SLC6A5: variants seen among roughly 807,000 people sequenced by gnomAD.
SLC6A5 encodes the protein solute carrier family 6 member 5.
Under a neutral mutation model 90.5 loss-of-function variants are expected in SLC6A5, and 58 were observed. That is an observed-to-expected ratio of 0.64 (90% CI 0.52 to 0.80). The LOEUF (loss-of-function observed/expected upper bound fraction) is 0.80. SLC6A5 is among the 30% of genes least tolerant of loss of function. The pLI is 0.00. For synonymous variants in SLC6A5, 427 were observed against 401.4 expected, an observed-to-expected ratio of 1.06 and a Z score of -0.76; for missense variants, 1,015 against 1,017.6, an observed-to-expected ratio of 1.00 and a Z score of 0.03.
chr11:20,655,595 A>T lies in SLC6A5; in HGVS notation c.*727A>T, dbSNP rs142780419. On this transcript the variant is annotated 3_prime_UTR_variant, in exon 16 of 16. Coordinates refer to ENST00000525748, the MANE Select transcript of SLC6A5 (RefSeq NM_004211.5). ...ACCACATTTGTGAGTTCTTTTGGTC[A>T]TTTCCTCCACCTCTGCCCAAGAAGC... 2 of 152,618 alleles carry T rather than the reference A, an allele frequency of 1.3e-5. No homozygotes were observed. The highest frequency in any genetic ancestry group is 4.8e-5 in the African/African-American group (2 of 41,392). The allele number at this position is 152,618 out of a possible 1,614,324, so 9.5% of individuals were successfully genotyped here.
intron 13 of SLC6A5, among the ~76,000 whole-genome samples, chr11:20,641,296 A>G (rs577149310): frequency 2.0e-5 from 3 of 152,210 alleles, no homozygotes; most frequent in African/African-American, 4.8e-5. Context: ...CCCCAACCTC[A>G]ACATGGAGTG....
chr11:20,647,586 T>A lies in SLC6A5; in HGVS notation c.2070+652T>A, dbSNP rs561963414. ...AATGGCTTACAATCACAGCCACGTTTTCCACGTGCTAATTTGCTGTAGGCT... is the reference window on the plus strand; with the variant it reads ...AATGGCTTACAATCACAGCCACGTTATCCACGTGCTAATTTGCTGTAGGCT... On this transcript the variant is annotated intron_variant, in intron 14 of 15. Coordinates refer to ENST00000525748, the MANE Select transcript of SLC6A5 (RefSeq NM_004211.5). 4.2e-4 allele frequency among the ~76,000 whole-genome samples: 64 copies of A among 152,070 alleles called. 1 individual carries two copies. The South Asian group carries it at 0.013, about 32-fold the overall frequency.
rs192267480 is a variant in SLC6A5 at position 20,607,018 on chromosome 11, A to G, written c.691A>G (p.Ile231Val). 160 of 1,614,046 alleles carry G rather than the reference A, an allele frequency of 9.9e-5. 3 individuals carry two copies. The highest frequency in any genetic ancestry group is 2.7e-5 in the African/African-American group (2 of 74,996). ...ACTCTCTTTCCAAGGTGCTTTCCTC[A>G]TCCCTTACCTGATGATGCTGGCTCT... ...AFQNGGGAFL[I>V]PYLMMLALAG... The change falls in exon 4 of 16, where the codon ATC (isoleucine) becomes GTC (valine). Residue 231 changes from isoleucine (I) to valine (V), a missense_variant. Ile to Val is a conservative substitution (Grantham distance 29, BLOSUM62 3). Around this residue, in one of 3 missense-constraint regions of SLC6A5, gnomAD observed 567 missense variants for 507.3 expected, o/e 1.12. Coordinates refer to ENST00000525748, the MANE Select transcript of SLC6A5 (RefSeq NM_004211.5).
At chr11:20,653,187 C>T (rs939689983) in intron 15 of SLC6A5, among the ~76,000 whole-genome samples, 2 of 152,168 alleles carry the variant, frequency 1.3e-5, no homozygotes, top group Admixed American at 6.5e-5. Context: ...AGCCCTGCCT[C>T]GGTCTTGAGG....
Position 20,601,358 on chromosome 11 carries a change from G to A in SLC6A5, c.233G>A (p.Gly78Glu). Residue 78 changes from glycine (G) to glutamate (E), a missense_variant, in exon 2 of 16, where the codon GGG becomes GAG. Transcript: ENST00000525748. ...TGCGAGGCTGAGCGGCCAGGAGTGG[G>A]GTCTTGCAAACTCAGTAGCCCGCGG... The part of the protein sequence containing the change: ...RACEAERPGV[G>E]SCKLSSPRAQ... The A allele has an allele frequency of 1.9e-6, 3 of 1,601,568 alleles. No homozygotes were observed. The highest frequency in any genetic ancestry group is 1.7e-6 in the Non-Finnish European group (2 of 1,176,092).
In SLC6A5 at chr11:20,637,156, C is replaced by T; in HGVS notation, c.1738-16C>T. 1 of 1,613,764 alleles carries T rather than the reference C, an allele frequency of 6.2e-7. No homozygotes were observed. On this transcript the variant is annotated splice_polypyrimidine_tract_variant and intron_variant, in intron 11 of 15. Transcript: ENST00000525748. ...TACAATTTGACTCAGATGTTCATTTCCTGACACGGTTCCAGTTTGCCACCA... is the reference window on the plus strand; with the variant it reads ...TACAATTTGACTCAGATGTTCATTTTCTGACACGGTTCCAGTTTGCCACCA...
At chr11:20,621,147 GTTA>G (rs58349279) in intron 7 of SLC6A5, among the ~76,000 whole-genome samples, 58,994 of 151,650 alleles carry the variant, frequency 0.39, 11,585 homozygotes, top group South Asian at 0.53. Flanking sequence ...CCAAGAAGGA[GTTA>G]TTAAGAATAG....
At chr11:20,634,333 C>A (rs759191094) in intron 10 of SLC6A5, among the ~76,000 whole-genome samples, 1 of 152,244 alleles carries the variant, frequency 6.6e-6, no homozygotes, top group Non-Finnish European at 1.5e-5. Flanking sequence ...CGCTCCCCAT[C>A]TGCCTTGGGT....
In SLC6A5 at chr11:20,601,472, A is replaced by T. The variant is rs61736604; in HGVS notation, c.347A>T (p.Asn116Ile). ...SPPPGSSGPG[N>I]ALHCKIPFLR... The stretch of plus-strand genomic sequence containing the variant: ...CCTCCCGGGAGCTCCGGGCCCGGCA[A>T]CGCGCTGCACTGTAAGATCCCTTTT... The change falls in exon 2 of 16, where the codon AAC becomes ATC. Residue 116 changes from asparagine (N) to isoleucine (I), a missense_variant. Transcript: ENST00000525748. 1 of 1,612,110 alleles carries T rather than the reference A, an allele frequency of 6.2e-7. No individual in the cohort carries two copies. Among genetic ancestry groups the T allele is most frequent in the Non-Finnish European group, 8.5e-7 (1 of 1,179,232 alleles).
At chr11:20,635,469 G>A (rs1363863442) in intron 10 of SLC6A5, among the ~76,000 whole-genome samples, 4 of 152,058 alleles carry the variant, frequency 2.6e-5, no homozygotes, top group Non-Finnish European at 5.9e-5. Flanking sequence ...GCAAGATCCT[G>A]AAAGTGTTAG....
chr11:20,618,531 C>T (rs927973242), intron 7 of SLC6A5, among the ~76,000 whole-genome samples: 3 of 152,108 alleles, frequency 2.0e-5, no homozygotes, highest in Admixed American at 2.0e-4. Flanking sequence ...AAACTCCCAC[C>T]CAAGCTCAGT....
intron 10 of SLC6A5, among the ~76,000 whole-genome samples, chr11:20,635,744 A>G (rs1377673148): frequency 6.6e-6 from 1 of 152,166 alleles, no homozygotes; most frequent in East Asian, 1.9e-4. Context: ...CACTATTGAC[A>G]TTTGAGACAG....
chr11:20,602,022 A>G (rs1470469894), intron 2 of SLC6A5, among the ~76,000 whole-genome samples: 1 of 152,242 alleles, frequency 6.6e-6, no homozygotes, highest in East Asian at 1.9e-4. Flanking sequence ...TTCAAAAATA[A>G]TTTCTTAATT....
At chr11:20,604,460 C>G (rs1590154320) in intron 3 of SLC6A5, 36 bp downstream of exon 3, 2 of 1,528,718 alleles carry the variant, frequency 1.3e-6, no homozygotes, top group Non-Finnish European at 1.8e-6. Context: ...TGCGGCGGGG[C>G]GGGGCGGGCA....
In SLC6A5 at chr11:20,601,444, C is replaced by T. The variant is rs1852474412; in HGVS notation, c.319C>T (p.Pro107Ser). Residue 107 changes from proline (P) to serine (S), a missense_variant, in exon 2 of 16, where the codon CCC becomes TCC. Coordinates refer to ENST00000525748, the MANE Select transcript of SLC6A5 (RefSeq NM_004211.5). ...LREAQGAQAS[P>S]PPGSSGPGNA... ...AGAGGCGCAAGGCGCGCAGGCCTCG[C>T]CCCCTCCCGGGAGCTCCGGGCCCGG... 3 of 1,607,732 alleles carry T rather than the reference C, an allele frequency of 1.9e-6. No individual in the cohort carries two copies. The South Asian group carries it at 3.3e-5, about 18-fold the overall frequency.
chr11:20,604,844 T>G (rs1321660571), intron 3 of SLC6A5, among the ~76,000 whole-genome samples: 1 of 152,092 alleles, frequency 6.6e-6, no homozygotes, highest in Non-Finnish European at 1.5e-5. Flanking sequence ...GGGGACTCCT[T>G]AGGAGATCTA....
At chr11:20,642,853 T>G (rs1590178516) in intron 13 of SLC6A5, among the ~76,000 whole-genome samples, 1 of 152,068 alleles carries the variant, frequency 6.6e-6, no homozygotes, top group African/African-American at 2.4e-5. Flanking sequence ...TGCAGGAGGG[T>G]TGCGTGACAG....
At position 20,600,983 on chromosome 11, in the gene SLC6A5, C is replaced by A. The variant is rs76017471; in HGVS notation, c.4-146C>A. On this transcript the variant is annotated intron_variant, in intron 1 of 15. Transcript: ENST00000525748. ...CAAATTGAGAAATACTGATTGCAGC[C>A]TTTCTTTTAAAAAAAGTTCAGATTC... 3,054 of 758,616 alleles carry A rather than the reference C, an allele frequency of 4.0e-3. 85 individuals carry two copies. In the African/African-American group the frequency reaches 0.051, roughly 13 times the overall value. 47.0% of individuals were successfully genotyped at this position (758,616 alleles called of 1,614,324 possible).
chr11:20,633,085 G>C (rs1049026876), intron 10 of SLC6A5, among the ~76,000 whole-genome samples: 3 of 152,132 alleles, frequency 2.0e-5, no homozygotes, highest in African/African-American at 7.2e-5. Flanking sequence ...GCAGCTTCCA[G>C]GAAAGTTAGC....
Sources: gnomAD v4.1 joint callset for allele counts (sites outside exome capture counted in the v4.1 genomes callset) on GRCh38, gnomAD v4.1.1 for gene constraint, gnomAD v4.1.1 regional missense constraint, MANE v1.5 for transcripts, NCBI Gene and HGNC (gene_info 2026-07-23, HGNC 2026-07-21) for gene names.